The following DAB1 variants were observed in gnomAD, a reference collection of about 807,000 sequenced individuals.
DAB1 encodes disabled homolog 1.
A neutral mutation model predicts 64.6 loss-of-function variants in DAB1; 15 were observed. The observed-to-expected ratio is 0.23, with a 90% CI of 0.16 to 0.36. The LOEUF is 0.36. Among genes scored for constraint, DAB1 ranks in the 10% least tolerant of loss-of-function variants. The pLI is 1.00. For synonymous variants in DAB1, 235 were observed against 251.9 expected, an observed-to-expected ratio of 0.93 and a Z score of 0.64; for missense variants, 596 against 706.7, an observed-to-expected ratio of 0.84 and a Z score of 1.78.
chr1:58,041,864 T>A (rs1185345880), intron 5 of DAB1, among the ~76,000 whole-genome samples: 1 of 152,194 alleles, frequency 6.6e-6, no homozygotes, highest in Admixed American at 6.5e-5. Context: ...ATAGTACCAA[T>A]CCCTGATTGC....
At position 58,325,720 on chromosome 1, in the gene DAB1, A is replaced by G. The variant is rs138318497; in HGVS notation, n.309+17632T>C. On this transcript the variant is annotated intron_variant and non_coding_transcript_variant, in intron 4 of 20. Transcript: ENST00000485760. ...TATGTAAAGGACTTAACATAAGCAC[A>G]TGAAAAATACTCTATAAATATTTGT... 2.8e-3 allele frequency among the ~76,000 whole-genome samples: 426 copies of G among 152,360 alleles called. 6 individuals are homozygous for G. The highest frequency in any genetic ancestry group is 9.1e-3 in the African/African-American group (377 of 41,586).
At chr1:58,357,493 A>G (rs764776355) in intron 3 of DAB1, among the ~76,000 whole-genome samples, 1 of 152,188 alleles carries the variant, frequency 6.6e-6, no homozygotes, top group Non-Finnish European at 1.5e-5. Context: ...CTTCCAAAAG[A>G]GAAAGTCCAA....
chr1:57,786,091 T>G (rs1650324481), intron 6 of DAB1, among the ~76,000 whole-genome samples: 1 of 152,202 alleles, frequency 6.6e-6, no homozygotes, highest in South Asian at 2.1e-4. Context: ...CTCCTCTTAC[T>G]GAAGGTTCTG....
Position 57,239,913 on chromosome 1 carries a change from C to T in DAB1, c.67+51051G>A, listed in dbSNP as rs115487711. On this transcript the variant is annotated intron_variant, in intron 2 of 14. Coordinates refer to ENST00000371236, the MANE Select transcript of DAB1 (RefSeq NM_001365792.1). ...AAGTGCCTCTGATGCGAACCAGTCC[C>T]TTCCCTGGGAATTCATAGATGAAAA... Among the ~76,000 whole-genome samples, 640 of 152,314 alleles carry T rather than the reference C, an allele frequency of 4.2e-3. 8 individuals carry two copies. Among genetic ancestry groups the T allele is most frequent in the African/African-American group, 0.015 (605 of 41,564 alleles).
intron 3 of DAB1, among the ~76,000 whole-genome samples, chr1:58,469,922 C>A (rs1645337691): frequency 6.6e-6 from 1 of 151,834 alleles, no homozygotes; most frequent in Non-Finnish European, 1.5e-5. Flanking sequence ...GAAATTCTTT[C>A]AGCTTCCACA....
chr1:58,454,741 G>A (rs929194278), intron 3 of DAB1, among the ~76,000 whole-genome samples: 1 of 152,154 alleles, frequency 6.6e-6, no homozygotes, highest in Non-Finnish European at 1.5e-5. Flanking sequence ...GATTTCATCA[G>A]TTCCGCCTGT....
chr1:58,381,537 A>C (rs1644388832), intron 3 of DAB1, among the ~76,000 whole-genome samples: 1 of 152,242 alleles, frequency 6.6e-6, no homozygotes, highest in Non-Finnish European at 1.5e-5. Context: ...TATTGTAAAC[A>C]GTTCAGGGGA....
chr1:57,296,889 T>C (rs952799648), intron 1 of DAB1, among the ~76,000 whole-genome samples: 4 of 152,184 alleles, frequency 2.6e-5, no homozygotes, highest in Non-Finnish European at 4.4e-5. Flanking sequence ...AAATTTTTGA[T>C]AAGAAGCAGA....
rs118148021 is a variant in DAB1 at position 57,135,243 on chromosome 1, A to G, written c.306+1300T>C. ...CCCAAATTGAAACCTCATGCCTACT[A>G]AATAATAACACTTCATTTTTCCTTT... On this transcript the variant is annotated intron_variant, in intron 4 of 14. Transcript: ENST00000371236. Among the ~76,000 whole-genome samples, 47 of 152,302 alleles carry G rather than the reference A, an allele frequency of 3.1e-4. No homozygotes were observed. The East Asian group carries it at 7.7e-3, about 25-fold the overall frequency.
At chr1:57,688,991 T>C (rs1558612821) in intron 6 of DAB1, among the ~76,000 whole-genome samples, 1 of 152,108 alleles carries the variant, frequency 6.6e-6, no homozygotes, top group Non-Finnish European at 1.5e-5. Context: ...GGTGATGGGA[T>C]CCATACCCAA....
At chr1:58,127,534 C>T (rs1009691514) in intron 5 of DAB1, among the ~76,000 whole-genome samples, 8 of 151,962 alleles carry the variant, frequency 5.3e-5, no homozygotes, top group Non-Finnish European at 1.0e-4. Context: ...AGTCCTTGCC[C>T]ATGCCTATGT....
At chr1:57,743,374 C>T (rs1424424102) in intron 6 of DAB1, among the ~76,000 whole-genome samples, 1 of 152,110 alleles carries the variant, frequency 6.6e-6, no homozygotes, top group African/African-American at 2.4e-5. Context: ...TTGTGAGATC[C>T]ACCCCTGCCT....
At chr1:58,262,983 C>T (rs538732921) in intron 4 of DAB1, among the ~76,000 whole-genome samples, 1 of 152,270 alleles carries the variant, frequency 6.6e-6, no homozygotes, top group African/African-American at 2.4e-5. Flanking sequence ...GAATATGTAA[C>T]ATGAGCGAGA....
At chr1:57,318,793 G>C (rs1033463959) in intron 1 of DAB1, among the ~76,000 whole-genome samples, 6 of 148,648 alleles carry the variant, frequency 4.0e-5, no homozygotes, top group Non-Finnish European at 7.4e-5. Flanking sequence ...GAGGATAAAA[G>C]AGATGGGTAA....
At chr1:58,217,780 C>T (rs975462358) in intron 4 of DAB1, among the ~76,000 whole-genome samples, 4 of 152,144 alleles carry the variant, frequency 2.6e-5, no homozygotes, top group Non-Finnish European at 4.4e-5. Context: ...TATTATGTAG[C>T]ATGCACTTTT....
At chr1:57,020,999 G>T (rs1016173239) in intron 11 of DAB1, among the ~76,000 whole-genome samples, 3 of 152,140 alleles carry the variant, frequency 2.0e-5, no homozygotes, top group African/African-American at 7.2e-5. Flanking sequence ...TCACTGGCTG[G>T]ACAATTAGTC....
At chr1:57,425,545 A>G (rs535890738), upstream of DAB1, among the ~76,000 whole-genome samples, 63 of 152,338 alleles carry the variant, frequency 4.1e-4, no homozygotes, top group South Asian at 2.5e-3. Context: ...TTCACGACCC[A>G]TTAAACTTAT....
At chr1:57,751,047 T>A (rs1371180249) in intron 6 of DAB1, among the ~76,000 whole-genome samples, 1 of 152,122 alleles carries the variant, frequency 6.6e-6, no homozygotes, top group Non-Finnish European at 1.5e-5. Context: ...AGGTGGCCAA[T>A]TGAGGCTTAC....
At chr1:57,233,323 C>T (rs1293979355) in intron 2 of DAB1, among the ~76,000 whole-genome samples, 4 of 117,102 alleles carry the variant, frequency 3.4e-5, no homozygotes, top group African/African-American at 6.6e-5. Flanking sequence ...AGTGCAGTGG[C>T]GGGATCTCGG....
Sources: allele counts gnomAD v4.1 joint callset (sites outside exome capture counted in the v4.1 genomes callset), GRCh38; gene constraint gnomAD v4.1.1; transcripts MANE v1.5; gene names NCBI Gene and HGNC (gene_info 2026-07-23, HGNC 2026-07-21).